Variants in WDFY4 observed in about 807,000 individuals in gnomAD.
WDFY4 encodes the protein WD repeat- and FYVE domain-containing protein 4.
Under a neutral mutation model 351.9 loss-of-function variants are expected in WDFY4, and 169 were observed. That is an observed-to-expected ratio of 0.48 (90% confidence interval 0.42 to 0.55). WDFY4 has a LOEUF of 0.55. WDFY4 is among the 20% of genes least tolerant of loss of function. The probability of loss-of-function intolerance (pLI) is 0.00; values close to 1 mark genes in which losing one functional copy is unlikely to be tolerated. For missense variants in WDFY4, 3,803 were observed against 3,935.6 expected, an observed-to-expected ratio of 0.97 and a Z score of 0.90; for synonymous variants, 1,622 against 1,574.6, an observed-to-expected ratio of 1.03 and a Z score of -0.71.
chr10:48,872,277 A>C (rs1422191297), intron 40 of WDFY4, among the ~76,000 whole-genome samples: 1 of 152,246 alleles, frequency 6.6e-6, no homozygotes, highest in Non-Finnish European at 1.5e-5. Flanking sequence ...CTCATAAAAT[A>C]ATAGCCCCTC....
At chr10:48,689,092 A>G (rs895297648) in intron 1 of WDFY4, among the ~76,000 whole-genome samples, 1 of 151,880 alleles carries the variant, frequency 6.6e-6, no homozygotes, top group African/African-American at 2.4e-5. Context: ...GCCAACTGGC[A>G]GAAAGAAGGA....
At chr10:48,974,679 G>A (rs901989503) in intron 57 of WDFY4, among the ~76,000 whole-genome samples, 183 bp from the exon 58 acceptor site, 5 of 152,030 alleles carry the variant, frequency 3.3e-5, no homozygotes, top group African/African-American at 1.2e-4. Flanking sequence ...GAAATGGAGA[G>A]GCTAGTCATG....
chr10:48,872,793 T>A (rs775001887), intron 40 of WDFY4, among the ~76,000 whole-genome samples: 5 of 152,234 alleles, frequency 3.3e-5, no homozygotes, highest in Admixed American at 6.5e-5. Context: ...AGATGCAAAC[T>A]GTGAGGATCT....
chr10:48,701,261 CT>C (rs1565106039), intron 1 of WDFY4, among the ~76,000 whole-genome samples: 1 of 152,216 alleles, frequency 6.6e-6, no homozygotes, highest in Non-Finnish European at 1.5e-5. Context: ...CCAGAATTGT[CT>C]TCCTTTTAAA....
chr10:48,929,348 C>T (rs1393987891), intron 47 of WDFY4, among the ~76,000 whole-genome samples: 1 of 152,174 alleles, frequency 6.6e-6, no homozygotes, highest in African/African-American at 2.4e-5. Flanking sequence ...CATGGGGTTG[C>T]ACTGGGCTGG....
At chr10:48,811,837 C>A in intron 30 of WDFY4, 129 bp downstream of exon 30, 1 of 946,838 alleles carries the variant, frequency 1.1e-6, no homozygotes, top group Non-Finnish European at 1.6e-6. Flanking sequence ...TGCTGGCCCA[C>A]TTCCCTCCCT....
At chr10:48,980,585 G>A (rs977716130) in intron 60 of WDFY4, among the ~76,000 whole-genome samples, 4 of 152,188 alleles carry the variant, frequency 2.6e-5, no homozygotes, top group Admixed American at 2.6e-4. Context: ...CATAAAAAGT[G>A]CTTGGGAGAA....
intron 47 of WDFY4, among the ~76,000 whole-genome samples, chr10:48,932,850 A>AT (rs1840104725): frequency 6.6e-6 from 1 of 152,182 alleles, no homozygotes; most frequent in Admixed American, 6.5e-5. Context: ...TGTAACTAGA[A>AT]TGCTAAGAAG....
chr10:48,946,834 C>T (rs77802534), intron 50 of WDFY4, 26 bp from the exon 51 acceptor site: 1 of 1,524,728 alleles, frequency 6.6e-7, no homozygotes, highest in Non-Finnish European at 8.9e-7. Context: ...AAGGAAGCAG[C>T]CCTCAAGCAT....
At chr10:48,923,080 G>A (rs1440129279) in intron 47 of WDFY4, among the ~76,000 whole-genome samples, 1 of 152,104 alleles carries the variant, frequency 6.6e-6, no homozygotes, top group Non-Finnish European at 1.5e-5. Flanking sequence ...AAAATAGTTG[G>A]GACTCCATAT....
intron 11 of WDFY4, among the ~76,000 whole-genome samples, chr10:48,741,172 G>A (rs968495212): frequency 2.0e-5 from 3 of 152,026 alleles, no homozygotes; most frequent in African/African-American, 4.8e-5. Flanking sequence ...CTCCTCCTGT[G>A]TTCTCTGACC....
chr10:48,750,155 C>G (rs1355409801), intron 12 of WDFY4, among the ~76,000 whole-genome samples: 1 of 152,226 alleles, frequency 6.6e-6, no homozygotes, highest in African/African-American at 2.4e-5. Flanking sequence ...TGAGTTATAT[C>G]TGTCACTTAA....
intron 55 of WDFY4, chr10:48,967,905 T>G (rs974878599): frequency 1.3e-5 from 2 of 152,224 alleles, no homozygotes; most frequent in African/African-American, 4.8e-5. Context: ...CCCTGGTAGA[T>G]AAGGTGCTAC....
At chr10:48,754,109 A>C (rs1180995231) in intron 12 of WDFY4, among the ~76,000 whole-genome samples, 2 of 152,118 alleles carry the variant, frequency 1.3e-5, no homozygotes, top group African/African-American at 4.8e-5. Context: ...TTCTAATATA[A>C]ATCATACTTG....
intron 25 of WDFY4, among the ~76,000 whole-genome samples, chr10:48,803,709 C>T (rs898683639): frequency 3.3e-5 from 5 of 152,054 alleles, no homozygotes; most frequent in Non-Finnish European, 5.9e-5. Context: ...AGAAATACAA[C>T]TCAAACCAGC....
chr10:48,801,351 G>A (rs2067083804), intron 24 of WDFY4, among the ~76,000 whole-genome samples: 2 of 152,202 alleles, frequency 1.3e-5, no homozygotes, highest in African/African-American at 4.8e-5. Context: ...ACTTTTGTGG[G>A]AAGTGTAAAA....
At position 48,723,493 on chromosome 10, in the gene WDFY4, C is replaced by G; in HGVS notation, c.517C>G (p.Leu173Val). The part of the protein sequence containing the change: ...LPALLLQCLY[L>V]FFVFPLDKDE... ...AGCCCTGCTCCTACAGTGCCTTTAC[C>G]TCTTCTTTGTCTTTCCTCTGGACAA... The change falls in exon 5 of 62, where the codon CTC becomes GTC. Residue 173 changes from leucine to valine, a missense_variant. Leu to Val is a conservative substitution (Grantham distance 32). This residue lies in a region of WDFY4 where 488 missense variants were observed against 456.8 expected (regional missense o/e 1.07). Transcript: ENST00000325239. The G allele has an allele frequency of 6.4e-7, 1 of 1,551,392 alleles. No individual in the cohort carries two copies. Among genetic ancestry groups the G allele is most frequent in the Non-Finnish European group, 8.7e-7 (1 of 1,147,014 alleles).
chr10:48,814,092 A>G lies in WDFY4; in HGVS notation c.5340+10A>G, dbSNP rs2067542096. 2 of 1,536,428 alleles carry G rather than the reference A, an allele frequency of 1.3e-6. No individual in the cohort carries two copies. The highest frequency in any genetic ancestry group is 8.8e-7 in the Non-Finnish European group (1 of 1,138,074). On this transcript the variant is annotated intron_variant, in intron 31 of 61. Coordinates refer to ENST00000325239, the MANE Select transcript of WDFY4 (RefSeq NM_001394531.1). ...GGCCACCATGAGCCAGGTGAGACCC[A>G]TTCCCCACATGCTGCCCCGAGGAGG...
chr10:48,939,911 C>G (rs1015068455), intron 47 of WDFY4, among the ~76,000 whole-genome samples: 26 of 152,178 alleles, frequency 1.7e-4, no homozygotes, highest in African/African-American at 5.1e-4. Flanking sequence ...CACAAGTGAC[C>G]ACAGGCAAAA....
Sources: gnomAD v4.1 joint callset for allele counts (sites outside exome capture counted in the v4.1 genomes callset) on GRCh38, gnomAD v4.1.1 for gene constraint, gnomAD v4.1.1 regional missense constraint, MANE v1.5 for transcripts, NCBI Gene and HGNC (gene_info 2026-07-23, HGNC 2026-07-21) for gene names.